The following NCOR2 variants were observed in gnomAD, a reference collection of about 807,000 sequenced individuals.
The protein encoded by NCOR2 is nuclear receptor corepressor 2.
NCOR2 carries 81 observed loss-of-function variants against 262.9 expected under a neutral mutation model. The observed-to-expected ratio is 0.31, with a 90% confidence interval of 0.26 to 0.37. NCOR2 has a LOEUF of 0.37. Ranked by LOEUF, NCOR2 falls within the 10% of genes least tolerant of loss-of-function variation. The pLI, the probability that NCOR2 is intolerant of heterozygous loss-of-function variation, is 1.00. For missense variants in NCOR2, 3,385 were observed against 3,621.4 expected, an observed-to-expected ratio of 0.93 and a Z score of 1.68; for synonymous variants, 1,659 against 1,559.3, an observed-to-expected ratio of 1.06 and a Z score of -1.51.
intron 13 of NCOR2, among the ~76,000 whole-genome samples, chr12:124,411,114 T>G (rs2136241632): frequency 5.8e-5 from 8 of 138,954 alleles, no homozygotes; most frequent in African/African-American, 1.1e-4. Flanking sequence ...GAGACAGAGT[T>G]AAAAGACTTA....
Position 124,347,882 on chromosome 12 carries a change from G to A in NCOR2, c.4015C>T (p.Arg1339Ter). 1.3e-6 allele frequency: 2 copies of A among 1,566,282 alleles called. No homozygotes were observed. The highest frequency in any genetic ancestry group is 1.7e-6 in the Non-Finnish European group (2 of 1,154,792). The change falls in exon 30 of 47, where the codon CGA (arginine) becomes TGA (stop). Residue 1339 changes from arginine to a stop codon, truncating the protein, a stop_gained. Coordinates refer to ENST00000405201, the Ensembl canonical transcript of NCOR2. LOFTEE classifies it high-confidence loss of function. ...TCTTTGAGGTGGTGGGGGCTGTGTCGCTCCGGCGGGATGGCACGGCCCATG... is the reference window on the plus strand; with the variant it reads ...TCTTTGAGGTGGTGGGGGCTGTGTCACTCCGGCGGGATGGCACGGCCCATG...
intron 30 of NCOR2, chr12:124,347,605 G>A (rs2135865660): frequency 1.8e-6 from 1 of 569,742 alleles, no homozygotes; most frequent in South Asian, 2.2e-5. Context: ...TAAAAGCACA[G>A]GGGTGATCGG....
At position 124,495,075 on chromosome 12, in the gene NCOR2, G is replaced by C; in HGVS notation, c.105+72C>G. The C allele has an allele frequency of 6.4e-7, 1 of 1,551,192 alleles. No individual in the cohort carries two copies. The highest frequency in any genetic ancestry group is 8.7e-7 in the Non-Finnish European group (1 of 1,143,268). ...AGCCTGGCTCCCAGGAGAAAGGAAG[G>C]GGTGAAGACTCAGTGGAATGGAAGA... On this transcript the variant is annotated intron_variant, in intron 1 of 46. Transcript: ENST00000405201. The surrounding 1 kb of genome is among the most constrained non-coding windows in gnomAD (Gnocchi z 4.4).
At chr12:124,363,608 T>G in intron 21 of NCOR2, 71 bp downstream of exon 23, 2 of 1,286,810 alleles carry the variant, frequency 1.6e-6, no homozygotes, top group Non-Finnish European at 2.0e-6. Context: ...GCCCGTGGGA[T>G]TCTCTGTCTC....
rs776171594 is a variant in NCOR2, at chr12:124,548,476, A to C, written c.-164-12865T>G. ...GCAGTCGTCCAAGCCAGACGGCGAC[A>C]GAGTGGGGGTCCATCATGGTGCCTG... On this transcript the variant is annotated intron_variant, in intron 1 of 32. Coordinates refer to the NCOR2 transcript ENST00000458234. The surrounding 1 kb of genome is among the most constrained non-coding windows in gnomAD (Gnocchi z 5.1). Among the ~76,000 whole-genome samples, 5 of 152,138 alleles carry C rather than the reference A, an allele frequency of 3.3e-5. No homozygotes were observed. Among genetic ancestry groups the C allele is most frequent in the Non-Finnish European group, 7.4e-5 (5 of 67,994 alleles).
At chr12:124,556,626 G>A (rs977970855) in intron 1 of NCOR2, among the ~76,000 whole-genome samples, 3 of 152,156 alleles carry the variant, frequency 2.0e-5, no homozygotes, top group Non-Finnish European at 2.9e-5. Flanking sequence ...TTGGGAGGCC[G>A]AGGCAGGTGG....
intron 1 of NCOR2, among the ~76,000 whole-genome samples, chr12:124,534,828 C>T (rs1042383705): frequency 1.3e-5 from 2 of 152,200 alleles, no homozygotes; most frequent in African/African-American, 4.8e-5. Context: ...AATGAGGCAC[C>T]ACCCATTCTG....
At chr12:124,551,843 G>A (rs76089366) in intron 1 of NCOR2, among the ~76,000 whole-genome samples, 6,645 of 152,274 alleles carry the variant, frequency 0.044, 217 homozygotes, top group Middle Eastern at 0.071. Flanking sequence ...GTGCCCTGCT[G>A]TTCTGAGAAT....
chr12:124,364,974 G>A (rs919049322), intron 20 of NCOR2, among the ~76,000 whole-genome samples: 1 of 151,652 alleles, frequency 6.6e-6, no homozygotes, highest in Non-Finnish European at 1.5e-5. Context: ...GAGGTGGCCC[G>A]GCCTGCGTCT....
At chr12:124,360,972 C>T (rs1483408814) in intron 22 of NCOR2, among the ~76,000 whole-genome samples, 3 of 152,184 alleles carry the variant, frequency 2.0e-5, no homozygotes, top group Non-Finnish European at 2.9e-5. Context: ...CCTACCTAAT[C>T]CCCGCTCTGC....
intron 1 of NCOR2, among the ~76,000 whole-genome samples, chr12:124,527,497 AGT>A: frequency 6.6e-6 from 1 of 151,812 alleles, no homozygotes; most frequent in Non-Finnish European, 1.5e-5. Context: ...AGCTCACTGC[AGT>A]CTCTGCCTCC....
At chr12:124,560,055 CA>C (rs1213404878) in intron 1 of NCOR2, among the ~76,000 whole-genome samples, 3 of 152,200 alleles carry the variant, frequency 2.0e-5, no homozygotes, top group African/African-American at 7.2e-5. Flanking sequence ...AACAGGAGCC[CA>C]GGCTAGAAGG....
Position 124,428,767 on chromosome 12 carries a change from G to A in NCOR2, c.1149+846C>T, listed in dbSNP as rs143233637. Among the ~76,000 whole-genome samples the A allele has an allele frequency of 3.5e-3, 526 of 152,336 alleles. 5 individuals are homozygous for A. The highest frequency in any genetic ancestry group is 0.012 in the African/African-American group (495 of 41,576). ...TTAATTTTGATTTCAATAGCCATGC[G>A]TGGCTCTGCTGTGCTGAGCTAAAGG... On this transcript the variant is annotated intron_variant, in intron 10 of 46. Transcript: ENST00000405201.
intron 1 of NCOR2, among the ~76,000 whole-genome samples, chr12:124,512,860 C>G (rs528918694): frequency 1.3e-5 from 2 of 152,146 alleles, no homozygotes; most frequent in Admixed American, 6.5e-5. Flanking sequence ...GCCTCTCGGC[C>G]GAGGGCCAAA....
chr12:124,521,492 G>A (rs1164584300), intron 1 of NCOR2, among the ~76,000 whole-genome samples: 5 of 152,312 alleles, frequency 3.3e-5, no homozygotes, highest in Admixed American at 6.5e-5. Context: ...CACATTGTGC[G>A]GAGTGAAAGA....
intron 15 of NCOR2, 61 bp from the exon 18 acceptor site, chr12:124,398,242 C>T: frequency 6.4e-7 from 1 of 1,559,360 alleles, no homozygotes; most frequent in Non-Finnish European, 8.8e-7. Context: ...TGCCTTCTGC[C>T]CTTTTCTCTC....
chr12:124,355,834 G>A (rs1054485376), intron 23 of NCOR2, among the ~76,000 whole-genome samples: 1 of 152,082 alleles, frequency 6.6e-6, no homozygotes, highest in African/African-American at 2.4e-5. Flanking sequence ...TGGATCCCCT[G>A]TCTCCCCATT....
chr12:124,483,890 CCAGGAAGGTGCTCA>C lies in NCOR2; in HGVS notation c.234-131_234-118del. 1.0e-5 allele frequency: 13 copies of C among 1,246,422 alleles called. No individual in the cohort carries two copies. The highest frequency in any genetic ancestry group is 1.3e-5 in the Non-Finnish European group (12 of 943,498). 77.2% of individuals were successfully genotyped at this position (1,246,422 alleles called of 1,614,324 possible). On this transcript the variant is annotated intron_variant, in intron 2 of 46. Coordinates refer to ENST00000405201, the Ensembl canonical transcript of NCOR2. This position sits in a 1 kb window ranked among gnomAD's most constrained non-coding sequence, Gnocchi z 6.3. Reference sequence around the variant, plus strand: ...GCGCGCCGTGCTCTGTATGATCCTGCCAGGAAGGTGCTCACAGGAGCCCACCTCCCACGGTCCCA... The same window carrying C: ...GCGCGCCGTGCTCTGTATGATCCTGCCAGGAGCCCACCTCCCACGGTCCCA...
chr12:124,409,697 G>A (rs761081637), intron 13 of NCOR2, among the ~76,000 whole-genome samples: 8 of 151,528 alleles, frequency 5.3e-5, no homozygotes, highest in Non-Finnish European at 7.4e-5. Context: ...TTTTTTGGAC[G>A]CAGGGTCTTG....
Sources: gnomAD v4.1 joint callset for allele counts (sites outside exome capture counted in the v4.1 genomes callset) on GRCh38, gnomAD v4.1.1 for gene constraint, Gnocchi (gnomAD v3.1) non-coding constraint, MANE v1.5 for transcripts, NCBI Gene and HGNC (gene_info 2026-07-23, HGNC 2026-07-21) for gene names.